Variants in GRXCR2 observed in about 807,000 individuals in gnomAD.
GRXCR2 encodes the protein glutaredoxin domain-containing cysteine-rich protein 2.
Under a neutral mutation model 24.8 loss-of-function variants are expected in GRXCR2, and 23 were observed. That is an observed-to-expected ratio of 0.93 (90% CI 0.67 to 1.32). The LOEUF is 1.32. Among genes scored for constraint, GRXCR2 ranks in the 40% most tolerant of loss-of-function variants. The pLI is 0.00. For synonymous variants in GRXCR2, 130 were observed against 116.1 expected (o/e 1.12, Z -0.77); for missense variants, 315 against 303.4 (o/e 1.04, Z -0.28).
Position 145,858,937 on chromosome 5 carries a change from G to A in GRXCR2, c.*796C>T, listed in dbSNP as rs1756284238. ...ATGAAGAGATCATGGCTAGGTTCTAGACTTAAAGTGGATTTATTTATTTGG... is the reference window on the plus strand; with the variant it reads ...ATGAAGAGATCATGGCTAGGTTCTAAACTTAAAGTGGATTTATTTATTTGG... On this transcript the variant is annotated 3_prime_UTR_variant, in exon 3 of 3. Transcript: ENST00000377976. 1 of 152,124 alleles carries A rather than the reference G, an allele frequency of 6.6e-6. No homozygotes were observed. Among genetic ancestry groups the A allele is most frequent in the Non-Finnish European group, 1.5e-5 (1 of 68,024 alleles). 9.4% of individuals were successfully genotyped at this position (152,124 alleles called of 1,614,324 possible). A position where few individuals can be genotyped will look rare whatever the true frequency, so the allele number is the denominator to read the frequency against.
chr5:145,862,752 A>G (rs1266796434), intron 2 of GRXCR2, among the ~76,000 whole-genome samples: 1 of 152,154 alleles, frequency 6.6e-6, no homozygotes, highest in East Asian at 1.9e-4. Context: ...ACTGTTCAAC[A>G]AATGGACCTA....
intron 2 of GRXCR2, among the ~76,000 whole-genome samples, chr5:145,919,462 G>C (rs1757291842): frequency 6.6e-6 from 1 of 152,042 alleles, no homozygotes; most frequent in South Asian, 2.1e-4. Flanking sequence ...CAAGTGAGGA[G>C]ATGACCCCAG....
At chr5:145,922,934 T>C (rs1005602849) in intron 2 of GRXCR2, among the ~76,000 whole-genome samples, 2 of 152,198 alleles carry the variant, frequency 1.3e-5, no homozygotes, top group African/African-American at 4.8e-5. Flanking sequence ...TTTGCAATTA[T>C]AAAAGCGGTG....
intron 2 of GRXCR2, among the ~76,000 whole-genome samples, chr5:145,879,068 A>G (rs1756660358): frequency 6.6e-6 from 1 of 152,194 alleles, no homozygotes; most frequent in African/African-American, 2.4e-5. Flanking sequence ...AGAAATAACC[A>G]GTACCAGCCC....
chr5:145,918,359 G>A (rs1390380227), intron 2 of GRXCR2, among the ~76,000 whole-genome samples: 8 of 152,140 alleles, frequency 5.3e-5, no homozygotes, highest in Non-Finnish European at 7.3e-5. Context: ...GGAGGTGAAC[G>A]GGGTCTGTTG....
In GRXCR2 at chr5:145,872,851, G is replaced by A; in HGVS notation, c.118C>T (p.Gln40Ter). The stretch of plus-strand genomic sequence containing the variant: ...TCCTCCTTTGGTGACTCTAATTCCT[G>A]CCCATCCTCAAAGACCTGCTTCAAT... ...RVLKQVFEDG[Q>*]ELESPKEEYP... The change falls in exon 1 of 3, where the codon CAG (glutamine) becomes TAG (stop). Residue 40 changes from glutamine (Q) to a stop codon, truncating the protein, a stop_gained. Coordinates refer to ENST00000377976, the MANE Select transcript of GRXCR2 (RefSeq NM_001080516.2). LOFTEE classifies it high-confidence loss of function. The A allele has an allele frequency of 6.2e-7, 1 of 1,614,034 alleles. No individual in the cohort carries two copies. The highest frequency in any genetic ancestry group is 8.5e-7 in the Non-Finnish European group (1 of 1,179,964).
intron 2 of GRXCR2, among the ~76,000 whole-genome samples, chr5:145,865,547 C>T (rs1183501409): frequency 6.6e-6 from 1 of 152,182 alleles, no homozygotes; most frequent in Non-Finnish European, 1.5e-5. Context: ...AACTTGTGGA[C>T]ACTGACAGCC....
chr5:145,919,119 T>A (rs925947339), intron 2 of GRXCR2, among the ~76,000 whole-genome samples: 1 of 152,156 alleles, frequency 6.6e-6, no homozygotes, highest in African/African-American at 2.4e-5. Context: ...ACTGTCCCTG[T>A]CTCCTCATTT....
downstream of GRXCR2, among the ~76,000 whole-genome samples, chr5:145,857,880 TCTC>T (rs1039913376): frequency 1.3e-5 from 2 of 152,110 alleles, no homozygotes; most frequent in Admixed American, 6.5e-5. Context: ...TATGTATCTA[TCTC>T]CTCCTCTAAA....
At chr5:145,879,578 C>T (rs1309824301) in intron 2 of GRXCR2, among the ~76,000 whole-genome samples, 2 of 152,126 alleles carry the variant, frequency 1.3e-5, no homozygotes, top group South Asian at 2.1e-4. Context: ...GACAAAGAGA[C>T]TTAGATTCCC....
At chr5:145,910,945 T>C (rs1757157735) in intron 2 of GRXCR2, among the ~76,000 whole-genome samples, 1 of 152,004 alleles carries the variant, frequency 6.6e-6, no homozygotes, top group African/African-American at 2.4e-5. Flanking sequence ...AAAAGTTAAA[T>C]TTCTTGCCCA....
At position 145,860,051 on chromosome 5, in the gene GRXCR2, G is replaced by A. The variant is rs111492361; in HGVS notation, c.565-136C>T. ...ATGCTTCCCACGAATGTCAGTGAGA[G>A]AATCATCTGGGACCCAGAATAGTTA... On this transcript the variant is annotated intron_variant, in intron 2 of 2. Transcript: ENST00000377976. 5,219 of 666,238 alleles carry A rather than the reference G, an allele frequency of 7.8e-3. 43 individuals are homozygous for A. The highest frequency in any genetic ancestry group is 0.031 in the Middle Eastern group (73 of 2,336). The allele number at this position is 666,238 out of a possible 1,614,324, so 41.3% of individuals were successfully genotyped here.
intron 2 of GRXCR2, among the ~76,000 whole-genome samples, chr5:145,908,504 C>T (rs1245356929): frequency 6.6e-6 from 1 of 152,068 alleles, no homozygotes; most frequent in African/African-American, 2.4e-5. Context: ...TTATTTCTGG[C>T]TTAAAATAGG....
At chr5:145,900,302 C>T (rs1364457777) in intron 2 of GRXCR2, among the ~76,000 whole-genome samples, 1 of 152,074 alleles carries the variant, frequency 6.6e-6, no homozygotes, top group Non-Finnish European at 1.5e-5. Context: ...CTGTTCTGGC[C>T]ATGTAAGATG....
chr5:145,924,654 G>C (rs1757366142), intron 2 of GRXCR2, among the ~76,000 whole-genome samples: 2 of 152,156 alleles, frequency 1.3e-5, no homozygotes, highest in Admixed American at 1.3e-4. Context: ...CTGAGTGTAA[G>C]TTCCGAGTTC....
Position 145,872,843 on chromosome 5 carries a change from T to C in GRXCR2, c.126A>G (p.Leu42=), listed in dbSNP as rs758574005. 12 of 1,614,030 alleles carry C rather than the reference T, an allele frequency of 7.4e-6. No individual in the cohort carries two copies. Among genetic ancestry groups the C allele is most frequent in the Non-Finnish European group, 1.0e-5 (12 of 1,180,012 alleles). ...LKQVFEDGQE[L]ESPKEEYPHS... Reference sequence around the variant, plus strand: ...GAGGGTATTCCTCCTTTGGTGACTCTAATTCCTGCCCATCCTCAAAGACCT... The same window carrying C: ...GAGGGTATTCCTCCTTTGGTGACTCCAATTCCTGCCCATCCTCAAAGACCT... Residue 42 remains leucine, a synonymous_variant, in exon 1 of 3, where the codon TTA becomes TTG. Coordinates refer to ENST00000377976, the MANE Select transcript of GRXCR2 (RefSeq NM_001080516.2).
At position 145,895,731 on chromosome 5, in the gene GRXCR2, C is replaced by T. The variant is rs182079510; in HGVS notation, c.-69-29003G>A. ...CCAAGCTAATTTATAGATTCAATGC[C>T]ATCCCCATCAAGCTACCAATGACTT... On this transcript the variant is annotated intron_variant, in intron 2 of 3. Coordinates refer to the GRXCR2 transcript ENST00000639411. 3.7e-3 allele frequency among the ~76,000 whole-genome samples: 566 copies of T among 152,268 alleles called. 10 individuals are homozygous for T. Among genetic ancestry groups the T allele is most frequent in the African/African-American group, 0.012 (504 of 41,548 alleles).
intron 2 of GRXCR2, among the ~76,000 whole-genome samples, chr5:145,928,812 T>G (rs999750580): frequency 3.2e-4 from 47 of 147,566 alleles, no homozygotes; most frequent in Non-Finnish European, 7.6e-5. Flanking sequence ...AAATGACAAG[T>G]TAATGGGTGC....
chr5:145,874,776 C>T (rs1169703600), upstream of GRXCR2, among the ~76,000 whole-genome samples: 2 of 152,130 alleles, frequency 1.3e-5, no homozygotes, highest in Non-Finnish European at 2.9e-5. Flanking sequence ...CAAAAACCAG[C>T]CTCACCTTCC....
Sources: gnomAD v4.1 joint callset for allele counts (sites outside exome capture counted in the v4.1 genomes callset) on GRCh38, gnomAD v4.1.1 for gene constraint, MANE v1.5 for transcripts, NCBI Gene and HGNC (gene_info 2026-07-23, HGNC 2026-07-21) for gene names.